Variants in SHROOM2 observed in about 807,000 individuals in gnomAD.
The protein encoded by SHROOM2 is protein Shroom2.
Under a neutral mutation model 75.9 loss-of-function variants are expected in SHROOM2, and 33 were observed. The ratio of observed to expected loss-of-function variants is 0.43; its 90% CI spans 0.33 to 0.58. The LOEUF (loss-of-function observed/expected upper bound fraction) is 0.58. SHROOM2 is among the 20% of genes least tolerant of loss of function. The pLI is 0.04. For synonymous variants in SHROOM2, 655 were observed against 663.6 expected, an observed-to-expected ratio of 0.99 and a Z score of 0.20; for missense variants, 1,434 against 1,461.2, an observed-to-expected ratio of 0.98 and a Z score of 0.30.
chrX:9,835,671 G>T (rs922844582), intron 1 of SHROOM2, among the ~76,000 whole-genome samples: 8 of 111,503 alleles, frequency 7.2e-5, no homozygotes, highest in African/African-American at 2.6e-4. Context: ...CCCTAGGGGG[G>T]TACTGGGTGC....
At chrX:9,909,477 C>T (rs1165317577) in intron 5 of SHROOM2, among the ~76,000 whole-genome samples, 1 of 112,488 alleles carries the variant, frequency 8.9e-6, no homozygotes, top group East Asian at 2.8e-4. Flanking sequence ...CCAAAGAGTA[C>T]AGTGTGGCAA....
intron 1 of SHROOM2, 36 bp from the exon 2 acceptor site, chrX:9,873,616 C>T (rs756760664): frequency 5.0e-6 from 6 of 1,204,737 alleles, no homozygotes; most frequent in Non-Finnish European, 5.6e-6. Context: ...AATTGCTGCT[C>T]GTGGAAGGCT....
chrX:9,789,261 T>G (rs2083634099), intron 1 of SHROOM2, among the ~76,000 whole-genome samples: 1 of 111,746 alleles, frequency 8.9e-6, no homozygotes, highest in Admixed American at 9.6e-5. Flanking sequence ...TCTCTGGGTC[T>G]AGTTTGAAGC....
chrX:9,914,074 C>T (rs1243689632), intron 5 of SHROOM2, among the ~76,000 whole-genome samples: 2 of 86,148 alleles, frequency 2.3e-5, no homozygotes, highest in Admixed American at 2.7e-4. Context: ...CCTGCCCCCC[C>T]GCCCCTCCCG....
In SHROOM2 at chrX:9,946,727, G is replaced by A. The variant is rs377424861; in HGVS notation, c.4641G>A (p.Glu1547=). The A allele has an allele frequency of 2.2e-5, 26 of 1,205,425 alleles. No individual in the cohort carries two copies. Among genetic ancestry groups the A allele is most frequent in the Admixed American group, 4.4e-5 (2 of 45,352 alleles). ...TCCAGCAGCACGAGGACGCCAAGGA[G>A]CTCAAGGAGAACCTGGACCGCCGCG... ...VLIQQHEDAK[E]LKENLDRRER... The change falls in exon 10 of 10, where the codon GAG becomes GAA. Residue 1547 remains glutamate, a synonymous_variant. Coordinates refer to ENST00000380913, the MANE Select transcript of SHROOM2 (RefSeq NM_001649.4).
At chrX:9,863,258 G>C (rs1247226993) in intron 1 of SHROOM2, among the ~76,000 whole-genome samples, 6 of 110,984 alleles carry the variant, frequency 5.4e-5, no homozygotes, top group Admixed American at 1.9e-4. Flanking sequence ...TGCCAACTCA[G>C]TCTCCACCAC....
intron 1 of SHROOM2, among the ~76,000 whole-genome samples, chrX:9,809,060 C>A (rs2083776221): frequency 9.2e-6 from 1 of 108,635 alleles, no homozygotes; most frequent in Admixed American, 1.0e-4. Context: ...TCCCTTCCCC[C>A]AAATCCCACC....
At chrX:9,804,089 C>T (rs2083738983) in intron 1 of SHROOM2, among the ~76,000 whole-genome samples, 1 of 111,642 alleles carries the variant, frequency 9.0e-6, no homozygotes, top group Non-Finnish European at 1.9e-5. Context: ...GAGGATGGCA[C>T]GTTAAATTCT....
At chrX:9,865,389 C>G (rs1168973265) in intron 1 of SHROOM2, 1 of 110,078 alleles carries the variant, frequency 9.1e-6, no homozygotes, top group Non-Finnish European at 1.9e-5. Context: ...AATCAGGTTT[C>G]TTTCCCTCCT....
chrX:9,851,512 G>A (rs999867976), intron 1 of SHROOM2, among the ~76,000 whole-genome samples: 36 of 98,281 alleles, frequency 3.7e-4, no homozygotes, highest in African/African-American at 1.1e-3. Context: ...GTGCAATGGC[G>A]TGATCACGGC....
intron 5 of SHROOM2, among the ~76,000 whole-genome samples, chrX:9,927,356 C>CAAAAA (rs56344026): frequency 5.7e-4 from 14 of 24,396 alleles, no homozygotes; most frequent in South Asian, 9.8e-3. Flanking sequence ...TCTCTGTCTC[C>CAAAAA]AAAAAAAAAA....
chrX:9,792,957 G>A (rs190318401), intron 1 of SHROOM2, among the ~76,000 whole-genome samples: 48 of 111,404 alleles, frequency 4.3e-4, no homozygotes, highest in African/African-American at 1.1e-3. Flanking sequence ...TGAACCACCC[G>A]CCTTGGCCTC....
chrX:9,813,287 A>G (rs1412491377), intron 1 of SHROOM2, among the ~76,000 whole-genome samples: 1 of 111,140 alleles, frequency 9.0e-6, no homozygotes, highest in Non-Finnish European at 1.9e-5. Context: ...CACTGGGGAA[A>G]TGACCACAGG....
chrX:9,937,086 T>G, intron 6 of SHROOM2, 48 bp from the exon 7 acceptor site: 1 of 1,119,809 alleles, frequency 8.9e-7, no homozygotes, highest in Non-Finnish European at 1.2e-6. Context: ...AATCAGGGTC[T>G]GTGGCTGGAG....
intron 1 of SHROOM2, chrX:9,865,530 T>G (rs1204460265): frequency 9.6e-6 from 1 of 104,333 alleles, no homozygotes. Context: ...TTTTTTTCCC[T>G]AAGGATTTAT....
chrX:9,934,754 C>T lies in SHROOM2; in HGVS notation c.3587+1884C>T, dbSNP rs761651347. ...CTTTGTTGGAAAGTGTATGTGAACC[C>T]GTGGGAGATAGGAGATTTGTTTTTT... On this transcript the variant is annotated intron_variant, in intron 6 of 9. Transcript: ENST00000380913. Among the ~76,000 whole-genome samples, 7 of 111,503 alleles carry T rather than the reference C, an allele frequency of 6.3e-5. No homozygotes were observed. The South Asian group carries it at 1.1e-3, about 18-fold the overall frequency.
At chrX:9,851,011 C>T (rs1485584144) in intron 1 of SHROOM2, among the ~76,000 whole-genome samples, 1 of 110,602 alleles carries the variant, frequency 9.0e-6, no homozygotes, top group East Asian at 2.8e-4. Flanking sequence ...CTCATCTCTT[C>T]CTCTCTCTTT....
At chrX:9,808,770 G>T (rs758024062) in intron 1 of SHROOM2, among the ~76,000 whole-genome samples, 1 of 110,337 alleles carries the variant, frequency 9.1e-6, no homozygotes, top group Admixed American at 9.8e-5. Context: ...GCTGAGGCAA[G>T]AGAATCGCTT....
At chrX:9,892,275 A>AG (rs1172446983) in intron 3 of SHROOM2, among the ~76,000 whole-genome samples, 6 of 108,753 alleles carry the variant, frequency 5.5e-5, no homozygotes, top group Non-Finnish European at 1.1e-4. Context: ...AAAAAAGAAA[A>AG]GAAAAAAAAA....
Sources: gnomAD v4.1 joint callset for allele counts (sites outside exome capture counted in the v4.1 genomes callset) on GRCh38, gnomAD v4.1.1 for gene constraint, MANE v1.5 for transcripts, NCBI Gene and HGNC (gene_info 2026-07-23, HGNC 2026-07-21) for gene names.